Variants in CEP89 observed in about 807,000 individuals in gnomAD.
The protein encoded by CEP89 is centrosomal protein 89.
Under a neutral mutation model 97.6 loss-of-function variants are expected in CEP89, and 95 were observed. That is an observed-to-expected ratio of 0.97 (90% CI 0.82 to 1.15). CEP89 has a LOEUF of 1.15. Among genes scored for constraint, CEP89 ranks in the 50% most tolerant of loss-of-function variants. The pLI is 0.00. For missense variants in CEP89, 869 were observed against 947.7 expected, an observed-to-expected ratio of 0.92 and a Z score of 1.09; for synonymous variants, 354 against 349.1, an observed-to-expected ratio of 1.01 and a Z score of -0.16.
intron 3 of CEP89, among the ~76,000 whole-genome samples, chr19:32,957,661 T>G (rs1388286874): frequency 1.3e-5 from 2 of 151,900 alleles, no homozygotes; most frequent in African/African-American, 4.8e-5. Flanking sequence ...AATACAAAAA[T>G]TAGCCAGGTG....
chr19:32,942,158 G>C (rs757332911), intron 5 of CEP89, among the ~76,000 whole-genome samples: 5 of 152,200 alleles, frequency 3.3e-5, no homozygotes, highest in Non-Finnish European at 5.9e-5. Flanking sequence ...GAGGCAGGTA[G>C]ATCGGTTGAG....
chr19:32,939,442 C>T (rs1050386039), intron 6 of CEP89, among the ~76,000 whole-genome samples: 5 of 151,820 alleles, frequency 3.3e-5, no homozygotes, highest in African/African-American at 1.2e-4. Context: ...TTTGGGAGGT[C>T]GAGATGGGCA....
At chr19:32,906,874 C>T (rs971925629) in intron 14 of CEP89, among the ~76,000 whole-genome samples, 3 of 152,000 alleles carry the variant, frequency 2.0e-5, no homozygotes, top group Non-Finnish European at 4.4e-5. Context: ...TCCACTATGT[C>T]ATGTTTTGTA....
chr19:32,945,213 G>T (rs2145946699), intron 5 of CEP89, among the ~76,000 whole-genome samples: 1 of 151,424 alleles, frequency 6.6e-6, no homozygotes, highest in Non-Finnish European at 1.5e-5. Context: ...GAACCCAGGA[G>T]GCGGAGGTTG....
chr19:32,918,000 T>A (rs1017017751), intron 13 of CEP89, among the ~76,000 whole-genome samples: 3 of 152,184 alleles, frequency 2.0e-5, no homozygotes, highest in African/African-American at 7.2e-5. Context: ...CTACGAGTGA[T>A]TTACAAACCC....
chr19:32,962,783 A>G (rs1485377179), intron 2 of CEP89, among the ~76,000 whole-genome samples: 1 of 152,182 alleles, frequency 6.6e-6, no homozygotes, highest in Admixed American at 6.5e-5. Flanking sequence ...ATGGAAAACA[A>G]GCCAGGGCTG....
chr19:32,928,001 T>C lies in CEP89; in HGVS notation c.1030-1017A>G, dbSNP rs200322182. 2.7e-5 allele frequency among the ~76,000 whole-genome samples: 4 copies of C among 148,416 alleles called. No individual in the cohort carries two copies. In the East Asian group the frequency reaches 8.2e-4, roughly 30 times the overall value. On this transcript the variant is annotated intron_variant, in intron 9 of 18. Coordinates refer to ENST00000305768, the MANE Select transcript of CEP89 (RefSeq NM_032816.5). ...TATGATCTCGGCTCACTGTAACATC[T>C]GCCTCCCAGGTTCAAGCAATTCTCA...
intron 1 of CEP89, among the ~76,000 whole-genome samples, chr19:32,967,410 TC>T (rs1170777006): frequency 8.8e-5 from 13 of 148,432 alleles, no homozygotes; most frequent in African/African-American, 3.3e-4. Context: ...CTTGTCTTCA[TC>T]CCCAAAGTGG....
At chr19:32,928,820 T>C (rs1035745999) in intron 9 of CEP89, among the ~76,000 whole-genome samples, 1 of 152,140 alleles carries the variant, frequency 6.6e-6, no homozygotes, top group African/African-American at 2.4e-5. Flanking sequence ...TCTGTTGAAC[T>C]CAGGGAAGGG....
chr19:32,958,852 A>T (rs915423702), intron 3 of CEP89, among the ~76,000 whole-genome samples: 2 of 151,984 alleles, frequency 1.3e-5, no homozygotes, highest in Non-Finnish European at 2.9e-5. Context: ...CCCCGTCTCT[A>T]CTAAAAATAC....
At chr19:32,955,906 T>A (rs1355683348) in intron 3 of CEP89, among the ~76,000 whole-genome samples, 1 of 152,148 alleles carries the variant, frequency 6.6e-6, no homozygotes, top group Non-Finnish European at 1.5e-5. Context: ...AATACACTGG[T>A]AATAATTTTC....
In CEP89 at chr19:32,881,773, G is replaced by T; in HGVS notation, c.2135+71C>A. ...ATGGAACAAATAAAACAGGCCCAGA[G>T]GGTTTTAGCAGAACCCTCAATCAGA... On this transcript the variant is annotated intron_variant, in intron 18 of 18. Transcript: ENST00000305768. 2.1e-6 allele frequency: 3 copies of T among 1,413,806 alleles called. No individual in the cohort carries two copies. The East Asian group carries it at 7.4e-5, about 35-fold the overall frequency. 87.6% of individuals were successfully genotyped at this position (1,413,806 alleles called of 1,614,324 possible).
chr19:32,912,899 G>A (rs1053666098), intron 14 of CEP89, among the ~76,000 whole-genome samples: 22 of 151,256 alleles, frequency 1.5e-4, no homozygotes, highest in Admixed American at 4.0e-4. Context: ...AAAATTAGCC[G>A]GGCGAGGTGG....
Position 32,887,847 on chromosome 19 carries a change from G to A in CEP89, c.1876-6C>T, listed in dbSNP as rs1969432467. ...TCACTTTCTAAACATTTTGCCTAGGGAGAAGGGTGATAAATGGGCTCTCAG... is the reference window on the plus strand; with the variant it reads ...TCACTTTCTAAACATTTTGCCTAGGAAGAAGGGTGATAAATGGGCTCTCAG... On this transcript the variant is annotated splice_polypyrimidine_tract_variant and splice_region_variant and intron_variant, in intron 16 of 18. Transcript: ENST00000305768. 6.4e-7 allele frequency: 1 copy of A among 1,551,354 alleles called. No homozygotes were observed. The highest frequency in any genetic ancestry group is 8.9e-7 in the Non-Finnish European group (1 of 1,128,678).
intron 3 of CEP89, among the ~76,000 whole-genome samples, chr19:32,955,979 T>C (rs1971038319): frequency 6.6e-6 from 1 of 152,106 alleles, no homozygotes; most frequent in Non-Finnish European, 1.5e-5. Flanking sequence ...TGAGACTGAA[T>C]GTTTTTCCAT....
At chr19:32,916,086 G>A (rs1430442473) in intron 13 of CEP89, among the ~76,000 whole-genome samples, 1 of 152,002 alleles carries the variant, frequency 6.6e-6, no homozygotes, top group African/African-American at 2.4e-5. Context: ...AGACCAGCCT[G>A]GGTAACATAG....
chr19:32,886,855 CCTTT>C lies in CEP89; in HGVS notation c.1965+893_1965+896del, dbSNP rs372385301. ...CATGGCATAGCCCCTTCCCTTTCAG[CCTTT>C]CTTTTTTTTTTTTTCTTAAAGAGAC... is the stretch of plus-strand genomic sequence containing the variant. On this transcript the variant is annotated intron_variant, in intron 17 of 18. Coordinates refer to ENST00000305768, the MANE Select transcript of CEP89 (RefSeq NM_032816.5). 2.8e-3 allele frequency among the ~76,000 whole-genome samples: 422 copies of C among 151,464 alleles called. 4 individuals carry two copies. Among genetic ancestry groups the C allele is most frequent in the African/African-American group, 9.5e-3 (391 of 41,206 alleles).
At chr19:32,885,230 T>C (rs1449748833) in intron 17 of CEP89, among the ~76,000 whole-genome samples, 1 of 152,228 alleles carries the variant, frequency 6.6e-6, no homozygotes, top group African/African-American at 2.4e-5. Context: ...TCTATCAGCC[T>C]TATTCCCGCT....
rs886481391 is a variant in CEP89 at position 32,877,349 on chromosome 19, G to C, written c.*1813C>G. ...CTGAAACAAGGCAGGACTTCACTGC[G>C]AGGGGCTCTGAAAAGGAGATGCTGC... On this transcript the variant is annotated 3_prime_UTR_variant, in exon 19 of 19. Transcript: ENST00000305768. 2.0e-5 allele frequency: 3 copies of C among 152,264 alleles called. No homozygotes were observed. Among genetic ancestry groups the C allele is most frequent in the Non-Finnish European group, 4.4e-5 (3 of 68,098 alleles). The allele number at this position is 152,264 out of a possible 1,614,324, so 9.4% of individuals were successfully genotyped here.
Sources: gnomAD v4.1 joint callset for allele counts (sites outside exome capture counted in the v4.1 genomes callset) on GRCh38, gnomAD v4.1.1 for gene constraint, MANE v1.5 for transcripts, NCBI Gene and HGNC (gene_info 2026-07-23, HGNC 2026-07-21) for gene names.